Variants in SPTBN1 observed in about 807,000 individuals in gnomAD.
The protein encoded by SPTBN1 is spectrin beta chain, non-erythrocytic 1.
A neutral mutation model predicts 266.4 loss-of-function variants in SPTBN1; 32 were observed. That is an observed-to-expected ratio of 0.12 (90% CI 0.09 to 0.16). The LOEUF is 0.16. Ranked by LOEUF, SPTBN1 falls within the 10% of genes least tolerant of loss-of-function variation. The pLI is 1.00. For missense variants in SPTBN1, 2,296 were observed against 3,067.1 expected, an observed-to-expected ratio of 0.75 and a Z score of 5.94; for synonymous variants, 1,336 against 1,162.2, an observed-to-expected ratio of 1.15 and a Z score of -3.04.
chr2:54,496,758 C>T (rs778299624), intron 1 of SPTBN1, among the ~76,000 whole-genome samples: 9 of 152,126 alleles, frequency 5.9e-5, no homozygotes, highest in East Asian at 1.9e-4. Flanking sequence ...TAATACTTGA[C>T]GCTGATTAAG....
intron 1 of SPTBN1, among the ~76,000 whole-genome samples, chr2:54,510,817 T>TC (rs1288138374): frequency 6.6e-6 from 1 of 152,130 alleles, no homozygotes; most frequent in African/African-American, 2.4e-5. Context: ...CTAAGTTTTT[T>TC]CCCCCTACTG....
chr2:54,478,666 G>A (rs1257652253), intron 1 of SPTBN1, among the ~76,000 whole-genome samples: 1 of 152,170 alleles, frequency 6.6e-6, no homozygotes, highest in African/African-American at 2.4e-5. Context: ...ACTATTTCCA[G>A]TGTGCTGAAC....
intron 1 of SPTBN1, among the ~76,000 whole-genome samples, chr2:54,489,017 G>A (rs1327216655): frequency 6.6e-6 from 1 of 151,912 alleles, no homozygotes; most frequent in African/African-American, 2.4e-5. Context: ...ACAAAAATGG[G>A]ACCAAATAAA....
chr2:54,598,557 A>G (rs919306131), intron 2 of SPTBN1, among the ~76,000 whole-genome samples: 6 of 152,176 alleles, frequency 3.9e-5, no homozygotes, highest in African/African-American at 7.2e-5. Flanking sequence ...GTGTTGCCCA[A>G]TCCTTTGTAG....
At chr2:54,524,539 C>T (rs890093604) in intron 1 of SPTBN1, among the ~76,000 whole-genome samples, 4 of 152,210 alleles carry the variant, frequency 2.6e-5, no homozygotes, top group African/African-American at 9.6e-5. Context: ...CTTCTCCACC[C>T]AGAGCTGCAC....
intron 2 of SPTBN1, among the ~76,000 whole-genome samples, chr2:54,569,478 A>G (rs974367244): frequency 4.6e-5 from 7 of 152,228 alleles, no homozygotes; most frequent in African/African-American, 7.2e-5. Context: ...TTAACTTTCC[A>G]ATAGTTAATA....
In SPTBN1 at chr2:54,554,545, CATTT is replaced by C. The variant is rs1672753889; in HGVS notation, c.148+27981_148+27984del. Among the ~76,000 whole-genome samples, 1 of 152,182 alleles carries C rather than the reference CATTT, an allele frequency of 6.6e-6. No individual in the cohort carries two copies. Among genetic ancestry groups the C allele is most frequent in the Admixed American group, 6.5e-5 (1 of 15,272 alleles). On this transcript the variant is annotated intron_variant, in intron 2 of 35. Coordinates refer to ENST00000356805, the MANE Select transcript of SPTBN1 (RefSeq NM_003128.3). The surrounding 1 kb of genome is among the most constrained non-coding windows in gnomAD (Gnocchi z 4.5). ...GCAGGGTGAACCCAAATCACTAATA[CATTT>C]AATACTAAACATTCCAGAAGGAATT...
chr2:54,501,563 GCCAGGT>G (rs1669270343), intron 1 of SPTBN1, among the ~76,000 whole-genome samples: 1 of 152,234 alleles, frequency 6.6e-6, no homozygotes, highest in East Asian at 1.9e-4. Flanking sequence ...TGGCTGGACA[GCCAGGT>G]GTAGGTTTGT....
At chr2:54,635,339 T>C (rs1412564802) in intron 17 of SPTBN1, among the ~76,000 whole-genome samples, 1 of 152,226 alleles carries the variant, frequency 6.6e-6, no homozygotes, top group African/African-American at 2.4e-5. Context: ...TTTAAGCGTC[T>C]TCTGAGTCAG....
At chr2:54,553,725 A>T (rs1052982707) in intron 2 of SPTBN1, among the ~76,000 whole-genome samples, 3 of 152,192 alleles carry the variant, frequency 2.0e-5, no homozygotes, top group African/African-American at 7.2e-5. Context: ...CCAAGGTTGA[A>T]TGTGTACAAA....
chr2:54,532,576 A>C (rs1671321704), intron 2 of SPTBN1, among the ~76,000 whole-genome samples: 2 of 152,182 alleles, frequency 1.3e-5, no homozygotes, highest in Admixed American at 6.5e-5. Context: ...ACAGTTTGGA[A>C]GGAAGCTGAG....
Position 54,632,557 on chromosome 2 carries a change from T to A in SPTBN1, c.3565-9T>A, listed in dbSNP as rs751165277. 1 of 1,614,046 alleles carries A rather than the reference T, an allele frequency of 6.2e-7. No homozygotes were observed. The highest frequency in any genetic ancestry group is 1.1e-5 in the South Asian group (1 of 91,084). ...GATCTGCTATGATTTGTTCCTCTTT[T>A]TAAATAAGGAGTATGTTCTGGCTCA... On this transcript the variant is annotated splice_polypyrimidine_tract_variant and intron_variant, in intron 16 of 35. Transcript: ENST00000356805.
intron 1 of SPTBN1, among the ~76,000 whole-genome samples, chr2:54,476,370 T>G (rs770963677): frequency 6.6e-6 from 1 of 152,030 alleles, no homozygotes; most frequent in Non-Finnish European, 1.5e-5. Context: ...GATAACAGAG[T>G]AGGTAATATG....
At chr2:54,470,880 T>C (rs2103859311) in intron 1 of SPTBN1, among the ~76,000 whole-genome samples, 1 of 152,364 alleles carries the variant, frequency 6.6e-6, no homozygotes, top group Admixed American at 6.5e-5. Flanking sequence ...AGAACAATCT[T>C]GTCCAACCTA....
chr2:54,666,423 C>G (rs1033630467), intron 34 of SPTBN1, among the ~76,000 whole-genome samples: 7 of 152,214 alleles, frequency 4.6e-5, no homozygotes, highest in Non-Finnish European at 1.0e-4. Flanking sequence ...AAAATAGTTT[C>G]CCCATCTTTT....
intron 1 of SPTBN1, among the ~76,000 whole-genome samples, chr2:54,524,158 C>T (rs1670659119): frequency 6.6e-6 from 1 of 151,996 alleles, no homozygotes; most frequent in Admixed American, 6.5e-5. Flanking sequence ...GAGATGGTGC[C>T]ACTGCACTCC....
chr2:54,490,677 G>T (rs972082201), intron 1 of SPTBN1, among the ~76,000 whole-genome samples: 2 of 152,190 alleles, frequency 1.3e-5, no homozygotes, highest in Non-Finnish European at 2.9e-5. Context: ...TTGGGCTTCA[G>T]TCTGGTCAAT....
rs146264948 is a variant in SPTBN1, at chr2:54,514,748, C to T, written c.-47-11624C>T. ...GCTTTTTTCAAGTGTTCGAAACTGCCGTTGCAAAACTCTAACTGAGACAGT... is the reference window on the plus strand; with the variant it reads ...GCTTTTTTCAAGTGTTCGAAACTGCTGTTGCAAAACTCTAACTGAGACAGT... On this transcript the variant is annotated intron_variant, in intron 1 of 35. Coordinates refer to ENST00000356805, the MANE Select transcript of SPTBN1 (RefSeq NM_003128.3). 2.8e-3 allele frequency among the ~76,000 whole-genome samples: 425 copies of T among 152,222 alleles called. 1 individual carries two copies. The highest frequency in any genetic ancestry group is 9.8e-3 in the African/African-American group (408 of 41,536).
At position 54,644,824 on chromosome 2, in the gene SPTBN1, T is replaced by C. The variant is rs1679813903; in HGVS notation, c.4269+238T>C. On this transcript the variant is annotated intron_variant, in intron 20 of 35. Coordinates refer to ENST00000356805, the MANE Select transcript of SPTBN1 (RefSeq NM_003128.3). ...GGGTGTTGGCTGTCTGTGTATGGGA[T>C]TGATAATTTTCTTAGTTAATGGGTA... Among the ~76,000 whole-genome samples, 3 of 152,248 alleles carry C rather than the reference T, an allele frequency of 2.0e-5. No homozygotes were observed. In the South Asian group the frequency reaches 6.2e-4, roughly 32 times the overall value.
Sources: gnomAD v4.1 joint callset for allele counts (sites outside exome capture counted in the v4.1 genomes callset) on GRCh38, gnomAD v4.1.1 for gene constraint, Gnocchi (gnomAD v3.1) non-coding constraint, MANE v1.5 for transcripts, NCBI Gene and HGNC (gene_info 2026-07-23, HGNC 2026-07-21) for gene names.